Variants in CYP2C8 observed in about 807,000 individuals in gnomAD.
The protein encoded by CYP2C8 is cytochrome P450 2C8.
In CYP2C8, 51 loss-of-function variants were observed where a neutral mutation model predicts 41.3. The ratio of observed to expected loss-of-function variants is 1.24; its 90% CI spans 0.99 to 1.56. The LOEUF is 1.56. CYP2C8 is among the 40% of genes most tolerant of loss of function. The pLI is 0.00. For missense variants in CYP2C8, 651 were observed against 579.9 expected (o/e 1.12, Z -1.26); for synonymous variants, 218 against 205.8 (o/e 1.06, Z -0.51).
rs1033533057 is a variant in CYP2C8 at position 95,042,998 on chromosome 10, G to C, written c.1041C>G (p.Tyr347Ter). 3.7e-6 allele frequency: 6 copies of C among 1,614,084 alleles called. No homozygotes were observed. In the African/African-American group the frequency reaches 6.7e-5, roughly 18 times the overall value. Residue 347 changes from tyrosine to a stop codon, truncating the protein, a stop_gained, in exon 7 of 9, where the codon TAC (tyrosine) becomes TAG (stop). Coordinates refer to ENST00000371270, the MANE Select transcript of CYP2C8 (RefSeq NM_000770.3). LOFTEE classifies it high-confidence loss of function. ...GGATCTCGTGCACTACAGCATCAGT[G>C]TAAGGCATGTGGCTCCTATCCTGCA... ...PCMQDRSHMP[Y>*]TDAVVHEIQR...
At chr10:95,042,694 C>T (rs1292682165) in intron 7 of CYP2C8, among the ~76,000 whole-genome samples, 196 bp downstream of exon 7, 4 of 152,146 alleles carry the variant, frequency 2.6e-5, no homozygotes, top group Non-Finnish European at 5.9e-5. Flanking sequence ...AAGTGTAACA[C>T]CTAAGAGCAG....
At chr10:95,042,820 G>A (rs991543575) in intron 7 of CYP2C8, 70 bp downstream of exon 7, 2 of 1,296,024 alleles carry the variant, frequency 1.5e-6, no homozygotes, top group Non-Finnish European at 2.2e-6. Flanking sequence ...GTTGTTAGAG[G>A]GTTGGAACCA....
At position 95,064,945 on chromosome 10, in the gene CYP2C8, G is replaced by C; in HGVS notation, c.497C>G (p.Pro166Arg). ...GGGAGCACAGCCCAGGATGAAAGTG[G>C]GATCACAGGGTGAAGCTAAAGATTT... Reference protein sequence around the residue: ...LRKTKASPCDPTFILGCAPCN... With the variant: ...LRKTKASPCDRTFILGCAPCN... Residue 166 changes from proline (P) to arginine (R), a missense_variant, in exon 4 of 9, where the codon CCC becomes CGC. Pro to Arg is a moderately radical substitution (Grantham distance 103). Transcript: ENST00000371270. 1.3e-6 allele frequency: 2 copies of C among 1,563,640 alleles called. No individual in the cohort carries two copies. The highest frequency in any genetic ancestry group is 1.7e-6 in the Non-Finnish European group (2 of 1,154,418).
At position 95,067,070 on chromosome 10, in the gene CYP2C8, C is replaced by T. The variant is rs11572085; in HGVS notation, c.481+138G>A. ...CAAAACCTCCCTTGTCTCTGTGCTTCAAATCTCCCTCCACCACCTGAGGGC... is the reference window on the plus strand; with the variant it reads ...CAAAACCTCCCTTGTCTCTGTGCTTTAAATCTCCCTCCACCACCTGAGGGC... On this transcript the variant is annotated intron_variant, in intron 3 of 8. Transcript: ENST00000371270. 36 of 1,228,820 alleles carry T rather than the reference C, an allele frequency of 2.9e-5. No individual in the cohort carries two copies. In the African/African-American group the frequency reaches 4.9e-4, roughly 17 times the overall value. The allele number at this position is 1,228,820 out of a possible 1,614,324, so 76.1% of individuals were successfully genotyped here.
chr10:95,062,782 G>T (rs57221945), intron 4 of CYP2C8, among the ~76,000 whole-genome samples: 6,983 of 152,276 alleles, frequency 0.046, 164 homozygotes, highest in Middle Eastern at 0.1. Flanking sequence ...GGTACCGGTT[G>T]TTCCTTTCCA....
At chr10:95,049,796 C>A (rs2033181856) in intron 5 of CYP2C8, among the ~76,000 whole-genome samples, 1 of 151,988 alleles carries the variant, frequency 6.6e-6, no homozygotes, top group Non-Finnish European at 1.5e-5. Flanking sequence ...GTGCTGACAT[C>A]CCCCCTCTCC....
In CYP2C8 at chr10:95,039,045, G is replaced by A. The variant is rs759790473; in HGVS notation, c.1150-7C>T. ...ATGCCATTATGGTTGTGCCCTGGAA[G>A]TAACAAAACAGATAATCTGATTTAT... On this transcript the variant is annotated splice_polypyrimidine_tract_variant and splice_region_variant and intron_variant, in intron 7 of 8. Transcript: ENST00000371270. 6.2e-7 allele frequency: 1 copy of A among 1,612,198 alleles called. No individual in the cohort carries two copies. The highest frequency in any genetic ancestry group is 2.2e-5 in the East Asian group (1 of 44,866).
chr10:95,045,333 G>C (rs11188153), intron 6 of CYP2C8, among the ~76,000 whole-genome samples: 12,142 of 152,136 alleles, frequency 0.08, 610 homozygotes, highest in Middle Eastern at 0.16. Context: ...CTAACTTTTA[G>C]ATTACTTCCC....
At chr10:95,038,083 G>T (rs1039543562) in intron 8 of CYP2C8, among the ~76,000 whole-genome samples, 15 of 152,122 alleles carry the variant, frequency 9.9e-5, no homozygotes, top group Non-Finnish European at 1.8e-4. Context: ...ATATAAAGCA[G>T]ACATAAAAGA....
chr10:95,059,083 G>A (rs1388885272), intron 4 of CYP2C8, among the ~76,000 whole-genome samples: 1 of 152,122 alleles, frequency 6.6e-6, no homozygotes, highest in East Asian at 1.9e-4. Context: ...TTGCTATTGT[G>A]AATAGTGCCA....
intron 4 of CYP2C8, among the ~76,000 whole-genome samples, chr10:95,058,717 A>G (rs2033361371): frequency 6.6e-6 from 1 of 152,144 alleles, no homozygotes; most frequent in African/African-American, 2.4e-5. Context: ...ATATGTATAC[A>G]TGTGCCAGGT....
chr10:95,054,185 T>A (rs905172331), intron 5 of CYP2C8, among the ~76,000 whole-genome samples: 34 of 151,852 alleles, frequency 2.2e-4, no homozygotes, highest in South Asian at 1.5e-3. Flanking sequence ...TGGATTTTTT[T>A]AAAAAAAATT....
chr10:95,045,752 G>A (rs2033094525), intron 6 of CYP2C8, 58 bp downstream of exon 6: 3 of 1,602,226 alleles, frequency 1.9e-6, no homozygotes, highest in Middle Eastern at 3.3e-4. Context: ...GGAGGATACT[G>A]GCACCATCTT....
intron 4 of CYP2C8, 80 bp downstream of exon 4, chr10:95,064,720 C>A: frequency 7.4e-7 from 1 of 1,348,954 alleles, no homozygotes; most frequent in Non-Finnish European, 1.1e-6. Flanking sequence ...ATTTTAGTAT[C>A]AATTTTCTCA....
intron 4 of CYP2C8, among the ~76,000 whole-genome samples, chr10:95,063,347 C>A (rs1589447043): frequency 6.6e-6 from 1 of 152,124 alleles, no homozygotes; most frequent in Non-Finnish European, 1.5e-5. Flanking sequence ...TCTTTTTATT[C>A]TTTTTTCTCC....
chr10:95,057,511 GA>G (rs2033336462), intron 5 of CYP2C8, among the ~76,000 whole-genome samples: 1 of 151,914 alleles, frequency 6.6e-6, no homozygotes, highest in Non-Finnish European at 1.5e-5. Flanking sequence ...AAATAGTCTT[GA>G]AAAAAGCTTT....
chr10:95,044,773 C>A (rs1386545513), intron 6 of CYP2C8, among the ~76,000 whole-genome samples: 1 of 152,146 alleles, frequency 6.6e-6, no homozygotes, highest in Non-Finnish European at 1.5e-5. Flanking sequence ...GAAACTTGGG[C>A]AGGAGAGCCT....
At position 95,058,512 on chromosome 10, in the gene CYP2C8, C is replaced by A; in HGVS notation, c.643-1G>T. Reference sequence around the variant, plus strand: ...TGAGTAGAGGGAAATTATTGCAGACCTAAAAGAGAAAAGAATATTAAATAT... The same window carrying A: ...TGAGTAGAGGGAAATTATTGCAGACATAAAAGAGAAAAGAATATTAAATAT... On this transcript the variant is annotated splice_acceptor_variant, in intron 4 of 8. Coordinates refer to ENST00000371270, the MANE Select transcript of CYP2C8 (RefSeq NM_000770.3). LOFTEE classifies it high-confidence loss of function. 6.2e-7 allele frequency: 1 copy of A among 1,608,542 alleles called. No homozygotes were observed. The highest frequency in any genetic ancestry group is 1.3e-5 in the African/African-American group (1 of 74,698).
At chr10:95,053,631 C>T (rs1324377678) in intron 5 of CYP2C8, among the ~76,000 whole-genome samples, 4 of 152,102 alleles carry the variant, frequency 2.6e-5, no homozygotes, top group Non-Finnish European at 5.9e-5. Context: ...ATGGATGAAG[C>T]TGGAAACATC....
Sources: gnomAD v4.1 joint callset for allele counts (sites outside exome capture counted in the v4.1 genomes callset) on GRCh38, gnomAD v4.1.1 for gene constraint, MANE v1.5 for transcripts, NCBI Gene and HGNC (gene_info 2026-07-23, HGNC 2026-07-21) for gene names.